ERC2: variants seen among roughly 807,000 people sequenced by gnomAD.
ERC2 encodes ERC protein 2.
A neutral mutation model predicts 114.8 loss-of-function variants in ERC2; 42 were observed. The observed-to-expected ratio is 0.37, with a 90% confidence interval of 0.29 to 0.47. ERC2 has a LOEUF of 0.47. ERC2 is among the 20% of genes least tolerant of loss of function. The pLI is 0.99. For missense variants in ERC2, 939 were observed against 1,150.7 expected (o/e 0.82, Z 2.66); for synonymous variants, 454 against 425.5 (o/e 1.07, Z -0.82).
chr3:55,556,009 T>G (rs991467946), intron 17 of ERC2, among the ~76,000 whole-genome samples: 10 of 152,030 alleles, frequency 6.6e-5, no homozygotes, highest in Non-Finnish European at 1.5e-4. Context: ...ACCATCACAA[T>G]GAAAAGTACA....
At chr3:55,706,578 T>C (rs991167136) in intron 15 of ERC2, among the ~76,000 whole-genome samples, 47 of 151,872 alleles carry the variant, frequency 3.1e-4, no homozygotes, top group African/African-American at 1.1e-3. Flanking sequence ...TTTTATTTTA[T>C]TTTTTGTATT....
intron 15 of ERC2, among the ~76,000 whole-genome samples, chr3:55,705,079 G>T (rs1017396619): frequency 6.6e-6 from 1 of 152,144 alleles, no homozygotes; most frequent in African/African-American, 2.4e-5. Flanking sequence ...CACTCCAGGT[G>T]CAGGGGTGAG....
chr3:55,533,499 G>A (rs1400322736), intron 17 of ERC2, among the ~76,000 whole-genome samples: 1 of 152,184 alleles, frequency 6.6e-6, no homozygotes, highest in Admixed American at 6.5e-5. Flanking sequence ...CCCTGTAAGG[G>A]GAGTGATCAT....
At chr3:55,981,689 T>C (rs2070153861) in intron 12 of ERC2, among the ~76,000 whole-genome samples, 1 of 152,168 alleles carries the variant, frequency 6.6e-6, no homozygotes, top group African/African-American at 2.4e-5. Context: ...TTTTCCCCTC[T>C]CCTTTTATTT....
At chr3:55,583,304 C>T (rs1338049550) in intron 17 of ERC2, among the ~76,000 whole-genome samples, 2 of 152,136 alleles carry the variant, frequency 1.3e-5, no homozygotes, top group African/African-American at 4.8e-5. Flanking sequence ...CATCTGTTAG[C>T]TACTGGCTGG....
chr3:56,141,242 C>T (rs1226760202), intron 5 of ERC2, among the ~76,000 whole-genome samples: 1 of 152,172 alleles, frequency 6.6e-6, no homozygotes, highest in Non-Finnish European at 1.5e-5. Context: ...ACAAATGTCG[C>T]TCCTCACAAC....
At chr3:56,099,401 T>C (rs559637142) in intron 6 of ERC2, among the ~76,000 whole-genome samples, 4 of 152,238 alleles carry the variant, frequency 2.6e-5, no homozygotes, top group Non-Finnish European at 4.4e-5. Flanking sequence ...CTAATGTTTA[T>C]TATTTTTTAT....
chr3:56,198,873 T>G (rs1267607631), intron 3 of ERC2, among the ~76,000 whole-genome samples: 1 of 151,974 alleles, frequency 6.6e-6, no homozygotes, highest in African/African-American at 2.4e-5. Context: ...CCACAACAAC[T>G]CCCAACCTTG....
intron 15 of ERC2, among the ~76,000 whole-genome samples, chr3:55,718,487 G>A (rs1411940408): frequency 6.6e-6 from 1 of 152,170 alleles, no homozygotes; most frequent in African/African-American, 2.4e-5. Flanking sequence ...CAGAAAGGGG[G>A]AACCTATTAT....
In ERC2 at chr3:55,762,376, A is replaced by T. The variant is rs147556991; in HGVS notation, c.2565-27458T>A. On this transcript the variant is annotated intron_variant, in intron 14 of 17. Coordinates refer to ENST00000288221, the MANE Select transcript of ERC2 (RefSeq NM_015576.3). Reference sequence around the variant, plus strand: ...CCTGTCTGCTACCTTGCCTAGGAAAATGTTTCTGACACTGCAATGCACCTG... The same window carrying T: ...CCTGTCTGCTACCTTGCCTAGGAAATTGTTTCTGACACTGCAATGCACCTG... Among the ~76,000 whole-genome samples, 505 of 152,206 alleles carry T rather than the reference A, an allele frequency of 3.3e-3. 5 individuals carry two copies. The highest frequency in any genetic ancestry group is 0.012 in the African/African-American group (485 of 41,534).
chr3:55,719,328 C>A (rs1208664783), intron 15 of ERC2, among the ~76,000 whole-genome samples: 1 of 152,140 alleles, frequency 6.6e-6, no homozygotes, highest in African/African-American at 2.4e-5. Context: ...CCCACAGAAC[C>A]AGAATGTGAT....
chr3:55,787,282 G>T (rs983313060), intron 14 of ERC2, among the ~76,000 whole-genome samples: 2 of 152,066 alleles, frequency 1.3e-5, no homozygotes, highest in Non-Finnish European at 1.5e-5. Flanking sequence ...TGGGTGTGGT[G>T]GTGCGCGCCT....
At chr3:55,795,602 C>T (rs774181571) in intron 14 of ERC2, among the ~76,000 whole-genome samples, 2 of 152,186 alleles carry the variant, frequency 1.3e-5, no homozygotes, top group African/African-American at 2.4e-5. Flanking sequence ...CTTTCACTCC[C>T]GACAGGTCTC....
At chr3:56,193,264 A>G (rs2047900389) in intron 3 of ERC2, among the ~76,000 whole-genome samples, 2 of 152,216 alleles carry the variant, frequency 1.3e-5, no homozygotes, top group Non-Finnish European at 2.9e-5. Context: ...CTGTACTCCC[A>G]GCACTTTGGG....
chr3:56,138,295 C>T (rs955562063), intron 6 of ERC2, among the ~76,000 whole-genome samples: 6 of 152,146 alleles, frequency 3.9e-5, no homozygotes, highest in African/African-American at 9.6e-5. Flanking sequence ...CTCCTGACCT[C>T]GTGATCCACC....
intron 13 of ERC2, among the ~76,000 whole-genome samples, chr3:55,905,781 G>A (rs2064398487): frequency 6.6e-6 from 1 of 152,022 alleles, no homozygotes; most frequent in African/African-American, 2.4e-5. Flanking sequence ...ACCATGCCTT[G>A]TTTCCAGGCC....
chr3:55,719,543 A>G (rs2064325747), intron 15 of ERC2, among the ~76,000 whole-genome samples: 2 of 152,246 alleles, frequency 1.3e-5, no homozygotes, highest in Admixed American at 1.3e-4. Flanking sequence ...ACTTGGGGCT[A>G]GCAGCTCTGG....
chr3:56,307,948 G>C (rs970752029), intron 2 of ERC2, among the ~76,000 whole-genome samples: 1 of 152,108 alleles, frequency 6.6e-6, no homozygotes, highest in African/African-American at 2.4e-5. Flanking sequence ...TGTCTCACCA[G>C]ACCGTCGGCA....
At chr3:56,007,979 C>T (rs914717865) in intron 9 of ERC2, among the ~76,000 whole-genome samples, 7 of 152,132 alleles carry the variant, frequency 4.6e-5, no homozygotes, top group African/African-American at 1.7e-4. Flanking sequence ...CAGAAACCAA[C>T]AGGCTCCACA....
Sources: allele counts gnomAD v4.1 joint callset (sites outside exome capture counted in the v4.1 genomes callset), GRCh38; gene constraint gnomAD v4.1.1; transcripts MANE v1.5; gene names NCBI Gene and HGNC (gene_info 2026-07-23, HGNC 2026-07-21).